Variants in PRKG1 observed in about 807,000 individuals in gnomAD.
PRKG1 encodes protein kinase cGMP-dependent 1, also known as cGMP-dependent protein kinase 1.
In PRKG1, 35 loss-of-function variants were observed where a neutral mutation model predicts 88.1. The ratio of observed to expected loss-of-function variants is 0.40; its 90% CI spans 0.30 to 0.53. The LOEUF is 0.53. Among genes scored for constraint, PRKG1 ranks in the 20% least tolerant of loss-of-function variants. The pLI, the probability that PRKG1 is intolerant of heterozygous loss-of-function variation, is 0.59. For synonymous variants in PRKG1, 303 were observed against 292.5 expected (o/e 1.04, Z -0.37); for missense variants, 540 against 839.8 (o/e 0.64, Z 4.41).
Position 51,715,144 on chromosome 10 carries a change from A to C in PRKG1, c.593-89441A>C, listed in dbSNP as rs1841855894. 2.0e-5 allele frequency among the ~76,000 whole-genome samples: 3 copies of C among 152,128 alleles called. No homozygotes were observed. In the South Asian group the frequency reaches 6.2e-4, roughly 32 times the overall value. On this transcript the variant is annotated intron_variant, in intron 3 of 17. Transcript: ENST00000373980. ...AAGACTGGAAGATGGGATAATAGGGAGGTTTGGTTTTTTGTGATATGCTTT... is the reference window on the plus strand; with the variant it reads ...AAGACTGGAAGATGGGATAATAGGGCGGTTTGGTTTTTTGTGATATGCTTT...
chr10:52,053,805 A>G (rs1029448971), intron 5 of PRKG1, among the ~76,000 whole-genome samples: 1 of 152,184 alleles, frequency 6.6e-6, no homozygotes, highest in African/African-American at 2.4e-5. Flanking sequence ...AGTCCATAAA[A>G]TTAAGATATT....
At chr10:52,085,981 G>A (rs1846903336) in intron 7 of PRKG1, among the ~76,000 whole-genome samples, 1 of 151,988 alleles carries the variant, frequency 6.6e-6, no homozygotes, top group Admixed American at 6.6e-5. Flanking sequence ...TACAGTCAAA[G>A]TACTGGGTTC....
chr10:51,871,481 G>T (rs751465090), intron 4 of PRKG1, among the ~76,000 whole-genome samples: 13 of 152,180 alleles, frequency 8.5e-5, no homozygotes, highest in Non-Finnish European at 1.9e-4. Flanking sequence ...CACAGCAAGA[G>T]CCTGGGCATG....
intron 9 of PRKG1, among the ~76,000 whole-genome samples, chr10:52,164,546 T>A (rs1269299476): frequency 6.6e-6 from 1 of 152,070 alleles, no homozygotes; most frequent in East Asian, 1.9e-4. Context: ...AAGACTATTA[T>A]GAAATTAAAC....
At chr10:51,416,105 A>G (rs1197834330) in intron 2 of PRKG1, among the ~76,000 whole-genome samples, 2 of 152,232 alleles carry the variant, frequency 1.3e-5, no homozygotes, top group Non-Finnish European at 2.9e-5. Flanking sequence ...TTTAAAAATA[A>G]AAATAAAGAA....
intron 7 of PRKG1, among the ~76,000 whole-genome samples, chr10:52,068,559 G>A (rs1216171705): frequency 6.6e-6 from 1 of 152,136 alleles, no homozygotes; most frequent in African/African-American, 2.4e-5. Context: ...TTGGGTTATT[G>A]GAGGAGGAAT....
intron 9 of PRKG1, among the ~76,000 whole-genome samples, chr10:52,242,554 C>G (rs1322420156): frequency 6.6e-6 from 1 of 152,088 alleles, no homozygotes; most frequent in East Asian, 1.9e-4. Context: ...AGGGAGAAAA[C>G]CTTGAATTCT....
chr10:51,265,099 T>C (rs947676101), intron 2 of PRKG1, among the ~76,000 whole-genome samples: 2 of 152,110 alleles, frequency 1.3e-5, no homozygotes, highest in Admixed American at 6.5e-5. Context: ...AATTCTTTTT[T>C]TAAAAAAAAA....
intron 3 of PRKG1, among the ~76,000 whole-genome samples, chr10:51,774,180 A>G (rs1424185315): frequency 6.6e-6 from 1 of 152,134 alleles, no homozygotes; most frequent in Non-Finnish European, 1.5e-5. Context: ...TACTTACCCA[A>G]GCTACCAGGG....
chr10:51,986,957 T>TTATTAGGC (rs1844175231), intron 5 of PRKG1, among the ~76,000 whole-genome samples: 2 of 152,166 alleles, frequency 1.3e-5, no homozygotes, highest in East Asian at 3.9e-4. Flanking sequence ...CAGTATTCTT[T>TTATTAGGC]TATTAGGCTG....
intron 5 of PRKG1, among the ~76,000 whole-genome samples, chr10:51,956,974 T>A (rs1343043849): frequency 6.6e-6 from 1 of 151,050 alleles, no homozygotes; most frequent in Admixed American, 6.6e-5. Context: ...TCCTTCCTCT[T>A]TCTCTCTCTC....
intron 3 of PRKG1, among the ~76,000 whole-genome samples, chr10:51,728,901 G>C (rs969691216): frequency 2.6e-5 from 4 of 152,136 alleles, no homozygotes; most frequent in African/African-American, 9.7e-5. Flanking sequence ...GTTGTACTTT[G>C]GAATCGTATA....
At chr10:51,290,203 G>C (rs1191174383) in intron 2 of PRKG1, among the ~76,000 whole-genome samples, 1 of 152,044 alleles carries the variant, frequency 6.6e-6, no homozygotes, top group Non-Finnish European at 1.5e-5. Context: ...TTGTGCTACT[G>C]CACTGCAGCC....
chr10:52,160,455 G>A (rs1384778260), intron 8 of PRKG1, among the ~76,000 whole-genome samples: 6 of 151,712 alleles, frequency 4.0e-5, no homozygotes. Context: ...GATTCCCCGT[G>A]TCTCTGTCTA....
chr10:51,939,408 A>C (rs1842859316), intron 5 of PRKG1, among the ~76,000 whole-genome samples: 1 of 151,994 alleles, frequency 6.6e-6, no homozygotes, highest in Non-Finnish European at 1.5e-5. Context: ...TAAATCCACA[A>C]AAAATAAAAT....
intron 2 of PRKG1, among the ~76,000 whole-genome samples, chr10:51,231,636 T>C (rs1447970905): frequency 3.9e-5 from 6 of 152,132 alleles, no homozygotes; most frequent in Non-Finnish European, 7.4e-5. Context: ...ATATGCACAC[T>C]GAGTAGTTCC....
intron 3 of PRKG1, among the ~76,000 whole-genome samples, chr10:51,599,350 C>A (rs1838538643): frequency 6.6e-6 from 1 of 152,106 alleles, no homozygotes; most frequent in African/African-American, 2.4e-5. Context: ...ATTGACTAAT[C>A]CAAAATGGCA....
intron 5 of PRKG1, among the ~76,000 whole-genome samples, chr10:51,981,614 TA>T (rs570790426): frequency 3.3e-5 from 5 of 151,550 alleles, no homozygotes; most frequent in African/African-American, 7.2e-5. Flanking sequence ...TAGCAAAAAA[TA>T]AAAAAAAGAA....
At chr10:52,293,463 G>A (rs555961565) in intron 17 of PRKG1, among the ~76,000 whole-genome samples, 192 of 152,200 alleles carry the variant, frequency 1.3e-3, no homozygotes, top group East Asian at 1.5e-3. Flanking sequence ...AGTCAATCCT[G>A]AGCCAAAGAA....
Sources: gnomAD v4.1 joint callset for allele counts (sites outside exome capture counted in the v4.1 genomes callset) on GRCh38, gnomAD v4.1.1 for gene constraint, MANE v1.5 for transcripts, NCBI Gene and HGNC (gene_info 2026-07-23, HGNC 2026-07-21) for gene names.